Variants in SPATA22 observed in about 807,000 individuals in gnomAD.
SPATA22 encodes the protein spermatogenesis associated 22.
In SPATA22, 29 loss-of-function variants were observed where a neutral mutation model predicts 47.8. The observed-to-expected ratio is 0.61, with a 90% CI of 0.45 to 0.83. The LOEUF is 0.83. Among genes scored for constraint, SPATA22 ranks in the 40% least tolerant of loss-of-function variants. The pLI, the probability that SPATA22 is intolerant of heterozygous loss-of-function variation, is 0.00. For missense variants in SPATA22, 410 were observed against 421.7 expected (o/e 0.97, Z 0.24); for synonymous variants, 133 against 140.9 (o/e 0.94, Z 0.40).
intron 1 of SPATA22, among the ~76,000 whole-genome samples, chr17:3,498,354 A>AT (rs1011115240): frequency 6.0e-5 from 9 of 150,328 alleles, no homozygotes; most frequent in Non-Finnish European, 1.0e-4. Flanking sequence ...ACTCTTTTTT[A>AT]TTTTTTTTTA....
chr17:3,469,437 T>C, intron 1 of SPATA22, 39 bp from the exon 2 acceptor site: 2 of 787,984 alleles, frequency 2.5e-6, no homozygotes, highest in Admixed American at 2.8e-5. Context: ...TTGTCTCAAC[T>C]ATAAAACCCA....
At chr17:3,509,359 C>T (rs778541562) in intron 1 of SPATA22, among the ~76,000 whole-genome samples, 1 of 152,056 alleles carries the variant, frequency 6.6e-6, no homozygotes, top group African/African-American at 2.4e-5. Context: ...TTGTTCCCGT[C>T]TCTGTGTCCA....
At chr17:3,486,734 C>G (rs137989857) in intron 1 of SPATA22, among the ~76,000 whole-genome samples, 7 of 152,240 alleles carry the variant, frequency 4.6e-5, no homozygotes, top group African/African-American at 1.7e-4. Context: ...AGCAGGTTGG[C>G]AAACAATATA....
At chr17:3,446,302 G>A (rs1037015403) in intron 7 of SPATA22, among the ~76,000 whole-genome samples, 170 bp downstream of exon 7, 2 of 150,930 alleles carry the variant, frequency 1.3e-5, no homozygotes, top group East Asian at 3.9e-4. Flanking sequence ...CATTTTTAGG[G>A]AGCATTATTC....
intron 1 of SPATA22, among the ~76,000 whole-genome samples, chr17:3,484,923 T>A (rs183034112): frequency 4.6e-5 from 7 of 152,320 alleles, no homozygotes; most frequent in East Asian, 1.9e-4. Context: ...CCTATCCCCT[T>A]CTGCAGGCTG....
intron 8 of SPATA22, 91 bp from the exon 9 acceptor site, chr17:3,440,429 C>T (rs1031007182): frequency 9.1e-6 from 10 of 1,093,228 alleles, no homozygotes; most frequent in Non-Finnish European, 1.3e-5. Context: ...TAAACATGTG[C>T]CACCTCAAAA....
intron 5 of SPATA22, among the ~76,000 whole-genome samples, chr17:3,453,908 G>A (rs1196877852): frequency 6.6e-6 from 1 of 152,036 alleles, no homozygotes; most frequent in Non-Finnish European, 1.5e-5. Flanking sequence ...AATAAAAGGA[G>A]CGCAAATTGG....
chr17:3,476,270 T>C (rs2150741777), upstream of SPATA22: 1 of 1,614,200 alleles, frequency 6.2e-7, no homozygotes, highest in Non-Finnish European at 8.5e-7. Context: ...GGCTAGAGAA[T>C]GGCGCTGAGA....
chr17:3,490,286 G>A lies in SPATA22; in HGVS notation c.-73-20888C>T, dbSNP rs998734331. Among the ~76,000 whole-genome samples the A allele has an allele frequency of 3.9e-5, 6 of 152,142 alleles. No individual in the cohort carries two copies. The East Asian group carries it at 7.7e-4, about 19-fold the overall frequency. The stretch of plus-strand genomic sequence containing the variant: ...TTAAACGGGGACTGGTGGACAAGGT[G>A]GGTATATGCAGCTCTATGCACTATC... On this transcript the variant is annotated intron_variant, in intron 1 of 8. Coordinates refer to the SPATA22 transcript ENST00000541913. The surrounding 1 kb of genome is among the most constrained non-coding windows in gnomAD (Gnocchi z 4.6).
chr17:3,440,592 C>T, intron 8 of SPATA22: 2 of 286,718 alleles, frequency 7.0e-6, no homozygotes, highest in Non-Finnish European at 6.5e-6. Flanking sequence ...CTGAATAATC[C>T]CCAGTGTAAT....
chr17:3,471,675 A>G lies in SPATA22; in HGVS notation c.-74+7T>C. ...CACGGAGTGGGGGCAGTTTGGTATC[A>G]ACGCACAGTCTTTCCCTTCTAGGCC... On this transcript the variant is annotated splice_region_variant and intron_variant, in intron 1 of 8. Coordinates refer to ENST00000572969, the MANE Select transcript of SPATA22 (RefSeq NM_001170698.2). 1 of 981,008 alleles carries G rather than the reference A, an allele frequency of 1.0e-6. No homozygotes were observed. The highest frequency in any genetic ancestry group is 1.2e-6 in the Non-Finnish European group (1 of 829,600). 60.8% of individuals were successfully genotyped at this position (981,008 alleles called of 1,614,324 possible).
At position 3,446,511 on chromosome 17, in the gene SPATA22, C is replaced by T; in HGVS notation, c.763G>A (p.Glu255Lys). The T allele has an allele frequency of 1.9e-6, 3 of 1,608,280 alleles. No homozygotes were observed. The South Asian group carries it at 3.4e-5, about 18-fold the overall frequency. Reference sequence around the variant, plus strand: ...AGAAGTACAGTTTTCTGTGCATGTTCACGCCAATACTTCATGCTTTCAATA... The same window carrying T: ...AGAAGTACAGTTTTCTGTGCATGTTTACGCCAATACTTCATGCTTTCAATA... ...AVIESMKYWR[E>K]HAQKTVLLFE... The change falls in exon 7 of 9, where the codon GAA (glutamate) becomes AAA (lysine). Residue 255 changes from glutamate to lysine, a missense_variant. Physicochemically the swap from Glu to Lys is moderately conservative, Grantham distance 56. Coordinates refer to ENST00000572969, the MANE Select transcript of SPATA22 (RefSeq NM_001170698.2).
chr17:3,493,530 C>T (rs1206937818), intron 1 of SPATA22, among the ~76,000 whole-genome samples: 1 of 121,326 alleles, frequency 8.2e-6, no homozygotes, highest in South Asian at 2.7e-4. Flanking sequence ...CACTGCACTC[C>T]AGCCTGGGTG....
intron 1 of SPATA22, among the ~76,000 whole-genome samples, chr17:3,478,116 C>T (rs1487879197): frequency 2.6e-5 from 4 of 152,078 alleles, no homozygotes; most frequent in East Asian, 1.9e-4. Context: ...ACCTGGGAGG[C>T]GGAGCTTGCA....
rs897574456 is a variant in SPATA22, at chr17:3,440,483, G to A, written c.901-145C>T. ...TGAGTCAGGGCCCCACTGCTAACAAGACAATGATAGTTATTCACATATTGG... is the reference window on the plus strand; with the variant it reads ...TGAGTCAGGGCCCCACTGCTAACAAAACAATGATAGTTATTCACATATTGG... On this transcript the variant is annotated intron_variant, in intron 8 of 8. Coordinates refer to ENST00000572969, the MANE Select transcript of SPATA22 (RefSeq NM_001170698.2). 10 of 570,956 alleles carry A rather than the reference G, an allele frequency of 1.8e-5. No individual in the cohort carries two copies. The East Asian group carries it at 3.1e-4, about 18-fold the overall frequency. 35.4% of individuals were successfully genotyped at this position (570,956 alleles called of 1,614,324 possible). A position where few individuals can be genotyped will look rare whatever the true frequency, so the allele number is the denominator to read the frequency against.
At chr17:3,494,544 G>C (rs1165480945) in intron 1 of SPATA22, 1 of 1,134,940 alleles carries the variant, frequency 8.8e-7, no homozygotes, top group Non-Finnish European at 1.3e-6. Context: ...AGCACTTCGC[G>C]TACATTCGCC....
intron 7 of SPATA22, among the ~76,000 whole-genome samples, chr17:3,445,957 G>C (rs1297530567): frequency 1.3e-5 from 2 of 152,070 alleles, no homozygotes; most frequent in African/African-American, 4.8e-5. Context: ...TCTATAATGA[G>C]TCATCAAAGC....
rs577334401 is a variant in SPATA22, at chr17:3,508,666, C to T, written c.-74+4746G>A. The stretch of plus-strand genomic sequence containing the variant: ...ATCGCAAGGACAAAAAACCAAACAC[C>T]GCATGTTCTCACTCATAGATGGGAA... On this transcript the variant is annotated intron_variant, in intron 1 of 8. Transcript: ENST00000541913. Among the ~76,000 whole-genome samples, 3 of 139,548 alleles carry T rather than the reference C, an allele frequency of 2.1e-5. No individual in the cohort carries two copies. The East Asian group carries it at 6.4e-4, about 30-fold the overall frequency. The allele number at this position is 139,548 out of a possible 152,430, so 91.5% of individuals were successfully genotyped here.
chr17:3,495,119 T>C (rs1217697462), intron 1 of SPATA22, among the ~76,000 whole-genome samples: 1 of 150,710 alleles, frequency 6.6e-6, no homozygotes, highest in African/African-American at 2.4e-5. Flanking sequence ...TGAGAGAATG[T>C]AGGAGGTTTA....
Sources: gnomAD v4.1 joint callset for allele counts (sites outside exome capture counted in the v4.1 genomes callset) on GRCh38, gnomAD v4.1.1 for gene constraint, Gnocchi (gnomAD v3.1) non-coding constraint, MANE v1.5 for transcripts, NCBI Gene and HGNC (gene_info 2026-07-23, HGNC 2026-07-21) for gene names.